The following DISC1 variants were observed in gnomAD, a reference collection of about 807,000 sequenced individuals.
DISC1 encodes disrupted in schizophrenia 1 protein.
In DISC1, 57 loss-of-function variants were observed where a neutral mutation model predicts 84.5. The observed-to-expected ratio is 0.67, with a 90% CI of 0.55 to 0.84. The LOEUF is 0.84. Among genes scored for constraint, DISC1 ranks in the 40% least tolerant of loss-of-function variants. The probability of loss-of-function intolerance (pLI) is 0.00; values close to 1 mark genes in which losing one functional copy is unlikely to be tolerated. For synonymous variants in DISC1, 411 were observed against 415.2 expected (o/e 0.99, Z 0.12); for missense variants, 1,000 against 1,057.8 (o/e 0.95, Z 0.76).
intron 9 of DISC1, among the ~76,000 whole-genome samples, chr1:231,911,950 C>G (rs1010638393): frequency 2.0e-5 from 3 of 152,164 alleles, no homozygotes; most frequent in Non-Finnish European, 2.9e-5. Flanking sequence ...ACCCTTTCTT[C>G]CACTTGATCG....
chr1:231,907,133 C>CTTTCTTTCTT lies in DISC1; in HGVS notation c.1982-51693_1982-51684dup, dbSNP rs2088787249. Among the ~76,000 whole-genome samples, 4 of 70,830 alleles carry CTTTCTTTCTT rather than the reference C, an allele frequency of 5.6e-5. No individual in the cohort carries two copies. The East Asian group carries it at 1.4e-3, about 25-fold the overall frequency. 46.5% of individuals were successfully genotyped at this position (70,830 alleles called of 152,430 possible). On this transcript the variant is annotated intron_variant, in intron 9 of 12. Transcript: ENST00000439617. ...CTCCTTCCTTCCTTCCTTCCTTCCT[C>CTTTCTTTCTT]TTTCTTTCTTTCTTTCTTTCTTTCT...
intron 10 of DISC1, among the ~76,000 whole-genome samples, chr1:231,988,268 T>G (rs1664734064): frequency 6.6e-6 from 1 of 152,182 alleles, no homozygotes; most frequent in South Asian, 2.1e-4. Context: ...ATGGGTGTAT[T>G]TAAAAATGCA....
chr1:231,930,769 C>T (rs965872829), intron 9 of DISC1, among the ~76,000 whole-genome samples: 6 of 152,104 alleles, frequency 3.9e-5, no homozygotes. Flanking sequence ...CTATCTAGTT[C>T]GCTGCAGCTG....
intron 1 of DISC1, among the ~76,000 whole-genome samples, chr1:231,671,471 C>G (rs1299435164): frequency 3.3e-5 from 5 of 152,076 alleles, no homozygotes; most frequent in Non-Finnish European, 7.4e-5. Flanking sequence ...GTAAATCTTC[C>G]TAGGTTATCA....
At chr1:232,004,411 A>G (rs1207149376) in intron 10 of DISC1, among the ~76,000 whole-genome samples, 1 of 145,938 alleles carries the variant, frequency 6.9e-6, no homozygotes, top group African/African-American at 2.6e-5. Context: ...TTTTTTAAAT[A>G]CTTTTTAAAA....
intron 9 of DISC1, chr1:231,818,981 T>C (rs1169903324): frequency 1.0e-6 from 1 of 999,640 alleles, no homozygotes; most frequent in African/African-American, 1.7e-5. Context: ...CCAGGAAGGA[T>C]GATGTAGAAG....
chr1:231,658,177 C>T (rs1239527842), intron 1 of DISC1, among the ~76,000 whole-genome samples: 1 of 152,136 alleles, frequency 6.6e-6, no homozygotes, highest in Admixed American at 6.6e-5. Context: ...TTGTAGTTCT[C>T]CTTGAAGAGG....
At chr1:231,677,906 G>T (rs374331747) in intron 1 of DISC1, among the ~76,000 whole-genome samples, 128 of 152,276 alleles carry the variant, frequency 8.4e-4, no homozygotes, top group African/African-American at 3.0e-3. Flanking sequence ...GAACCTGCGA[G>T]GTGGTGGTTG....
intron 8 of DISC1, chr1:231,814,840 C>T (rs1414214390): frequency 2.0e-5 from 3 of 151,884 alleles, no homozygotes; most frequent in Non-Finnish European, 4.4e-5. Context: ...TCAGCCAGGC[C>T]AGGGAAAATA....
chr1:231,668,944 C>T (rs1417060150), intron 1 of DISC1, among the ~76,000 whole-genome samples: 1 of 152,156 alleles, frequency 6.6e-6, no homozygotes, highest in Non-Finnish European at 1.5e-5. Flanking sequence ...GTCCTTTCAG[C>T]CTTCCCTTCT....
chr1:231,795,615 G>A (rs1481705910), intron 7 of DISC1, among the ~76,000 whole-genome samples: 1 of 152,192 alleles, frequency 6.6e-6, no homozygotes, highest in Non-Finnish European at 1.5e-5. Context: ...GGGGCTTGGT[G>A]CGGTGGCTCA....
chr1:231,959,922 G>A (rs1284904385), intron 10 of DISC1, among the ~76,000 whole-genome samples: 2 of 152,130 alleles, frequency 1.3e-5, no homozygotes, highest in African/African-American at 4.8e-5. Context: ...CATCCTTCTT[G>A]ATCTCAACTG....
intron 3 of DISC1, chr1:231,702,491 G>A: frequency 1.0e-6 from 1 of 986,818 alleles, no homozygotes. Flanking sequence ...CCAGAGATAG[G>A]AAATGAGGTG....
chr1:231,739,162 T>G lies in DISC1; in HGVS notation c.1118-10764T>G, dbSNP rs542051304. On this transcript the variant is annotated intron_variant, in intron 3 of 12. Transcript: ENST00000439617. ...TGCACTCATATGCTTCCTTCGCTAT[T>G]TCCATATTCACCTGTGAGTTTGCAT... Among the ~76,000 whole-genome samples the G allele has an allele frequency of 3.3e-3, 509 of 152,352 alleles. 4 individuals carry two copies. Among genetic ancestry groups the G allele is most frequent in the Non-Finnish European group, 5.6e-3 (380 of 68,030 alleles).
intron 1 of DISC1, among the ~76,000 whole-genome samples, chr1:231,661,140 A>G (rs2061529973): frequency 6.6e-6 from 1 of 151,104 alleles, no homozygotes; most frequent in Admixed American, 6.6e-5. Flanking sequence ...TTCCCGTTGT[A>G]GGTGACCTGG....
In DISC1 at chr1:231,693,927, C is replaced by A; in HGVS notation, c.169C>A (p.Leu57Ile). The A allele has an allele frequency of 4.3e-6, 7 of 1,614,214 alleles. No individual in the cohort carries two copies. The highest frequency in any genetic ancestry group is 5.9e-6 in the Non-Finnish European group (7 of 1,180,040). Residue 57 changes from leucine (L) to isoleucine (I), a missense_variant, in exon 2 of 13, where the codon CTT (leucine) becomes ATT (isoleucine). Physicochemically the swap from Leu to Ile is conservative, Grantham distance 5. This residue lies in a region of DISC1 where 292 missense variants were observed against 280.2 expected (regional missense o/e 1.04). Transcript: ENST00000439617. ...RSSTGPGIGF[L>I]SPAVGTLFRF... ...CTCGACAGGGCCTGGGATCGGGTTC[C>A]TTTCCCCAGCAGTGGGCACACTGTT...
intron 9 of DISC1, among the ~76,000 whole-genome samples, chr1:231,906,594 C>T (rs2088662919): frequency 1.3e-5 from 2 of 152,170 alleles, no homozygotes; most frequent in African/African-American, 2.4e-5. Flanking sequence ...AAAGTCAGGC[C>T]AGTGTGCTAG....
At chr1:231,856,971 T>C (rs1016077767) in intron 9 of DISC1, among the ~76,000 whole-genome samples, 13 of 152,202 alleles carry the variant, frequency 8.5e-5, no homozygotes, top group Non-Finnish European at 1.8e-4. Context: ...GTCTTCCACC[T>C]AGAAACATCC....
At chr1:231,746,123 C>G (rs1348216885) in intron 3 of DISC1, among the ~76,000 whole-genome samples, 1 of 152,142 alleles carries the variant, frequency 6.6e-6, no homozygotes, top group African/African-American at 2.4e-5. Flanking sequence ...TATAAATTAC[C>G]CAGCCTCAGG....
Sources: gnomAD v4.1 joint callset for allele counts (sites outside exome capture counted in the v4.1 genomes callset) on GRCh38, gnomAD v4.1.1 for gene constraint, gnomAD v4.1.1 regional missense constraint, MANE v1.5 for transcripts, NCBI Gene and HGNC (gene_info 2026-07-23, HGNC 2026-07-21) for gene names.